SUSD1: variants seen among roughly 807,000 people sequenced by gnomAD.
SUSD1 encodes the protein sushi domain-containing protein 1.
In SUSD1, 65 loss-of-function variants were observed where a neutral mutation model predicts 86.9. The observed-to-expected ratio is 0.75, with a 90% CI of 0.61 to 0.92. The LOEUF (loss-of-function observed/expected upper bound fraction) is 0.92, where lower values mean the gene tolerates loss of function less well. Among genes scored for constraint, SUSD1 ranks in the 40% least tolerant of loss-of-function variants. The pLI, the probability that SUSD1 is intolerant of heterozygous loss-of-function variation, is 0.00. For missense variants in SUSD1, 850 were observed against 929.7 expected (o/e 0.91, Z 1.11); for synonymous variants, 346 against 350.0 (o/e 0.99, Z 0.13).
chr9:112,131,643 A>T (rs111481361), intron 5 of SUSD1, among the ~76,000 whole-genome samples: 1 of 152,230 alleles, frequency 6.6e-6, no homozygotes, highest in Non-Finnish European at 1.5e-5. Flanking sequence ...AATCCTATTT[A>T]ATACATAAAA....
chr9:112,155,371 G>A (rs976624651), intron 2 of SUSD1, among the ~76,000 whole-genome samples: 5 of 152,146 alleles, frequency 3.3e-5, no homozygotes, highest in South Asian at 2.1e-4. Flanking sequence ...TAGCAAGTGC[G>A]GGTGAGGAAC....
At chr9:112,138,727 T>G (rs1185417689) in intron 5 of SUSD1, among the ~76,000 whole-genome samples, 1 of 152,146 alleles carries the variant, frequency 6.6e-6, no homozygotes, top group Non-Finnish European at 1.5e-5. Context: ...AGATTACAGG[T>G]GTGAGCCACT....
rs567878555 is a variant in SUSD1 at position 112,153,675 on chromosome 9, G to A, written c.217+3825C>T. On this transcript the variant is annotated intron_variant, in intron 2 of 16. Transcript: ENST00000374270. ...GTCACCCAGGCTGGAGTGCAATGGC[G>A]CGATCTCGGCTCACTGCAACCTCTG... Among the ~76,000 whole-genome samples, 545 of 147,638 alleles carry A rather than the reference G, an allele frequency of 3.7e-3. 2 individuals carry two copies. Among genetic ancestry groups the A allele is most frequent in the Non-Finnish European group, 5.6e-3 (380 of 67,334 alleles).
chr9:112,116,054 C>G (rs1831310634), intron 6 of SUSD1, among the ~76,000 whole-genome samples: 1 of 152,132 alleles, frequency 6.6e-6, no homozygotes, highest in South Asian at 2.1e-4. Context: ...TAACTCACCA[C>G]CTGGTCCAGA....
At chr9:112,073,187 T>A (rs2762501) in intron 12 of SUSD1, among the ~76,000 whole-genome samples, 42,177 of 152,142 alleles carry the variant, frequency 0.28, 6,409 homozygotes, top group African/African-American at 0.41. Flanking sequence ...CCTGGGACAC[T>A]CCTGTGTTTT....
chr9:112,069,390 T>G (rs1214554147), intron 12 of SUSD1, among the ~76,000 whole-genome samples: 1 of 147,456 alleles, frequency 6.8e-6, no homozygotes. Flanking sequence ...TCTATGCTAT[T>G]TTCAAGAGCA....
At chr9:112,138,314 C>T (rs746589175) in intron 5 of SUSD1, among the ~76,000 whole-genome samples, 5 of 102,346 alleles carry the variant, frequency 4.9e-5, no homozygotes, top group Non-Finnish European at 1.0e-4. Context: ...CCATTGGAAA[C>T]TATCACCATT....
chr9:112,170,706 T>TAGAGAGAGAGAGAG (rs765076866), intron 1 of SUSD1, among the ~76,000 whole-genome samples: 13 of 88,304 alleles, frequency 1.5e-4, no homozygotes, highest in African/African-American at 6.2e-4. Context: ...TATATATATA[T>TAGAGAGAGAGAGAG]ATATAGAGAG....
intron 10 of SUSD1, among the ~76,000 whole-genome samples, chr9:112,080,689 A>G (rs539765290): frequency 7.6e-6 from 1 of 132,450 alleles, no homozygotes; most frequent in East Asian, 2.3e-4. Context: ...CTCTGTCTCA[A>G]GAAAAAAAAA....
intron 2 of SUSD1, among the ~76,000 whole-genome samples, chr9:112,155,620 C>CT (rs937455144): frequency 1.9e-4 from 29 of 151,740 alleles, no homozygotes; most frequent in Admixed American, 1.3e-3. Flanking sequence ...TTTTTAGTTT[C>CT]TTTTTTTTAT....
intron 10 of SUSD1, among the ~76,000 whole-genome samples, chr9:112,094,392 C>T (rs1314336184): frequency 6.6e-6 from 1 of 152,150 alleles, no homozygotes; most frequent in Non-Finnish European, 1.5e-5. Context: ...ACCCCCACAC[C>T]AAGGGCTTTT....
chr9:112,127,161 C>G (rs950355726), intron 5 of SUSD1, among the ~76,000 whole-genome samples: 1 of 152,170 alleles, frequency 6.6e-6, no homozygotes, highest in South Asian at 2.1e-4. Context: ...CACTTGAGAC[C>G]AGGAGTTTGA....
At chr9:112,161,203 C>A (rs1833551669) in intron 1 of SUSD1, among the ~76,000 whole-genome samples, 1 of 151,704 alleles carries the variant, frequency 6.6e-6, no homozygotes, top group African/African-American at 2.4e-5. Flanking sequence ...CATGGCGTAA[C>A]CCTGTCTCTA....
At position 112,112,191 on chromosome 9, in the gene SUSD1, A is replaced by G. The variant is rs371269051; in HGVS notation, c.985-351T>C. On this transcript the variant is annotated intron_variant, in intron 7 of 16. Transcript: ENST00000374270. ...AAATACAAGTGCTTGGAAACAAGCAATCGTGAGGATGCCAAATATAAATGC... is the reference window on the plus strand; with the variant it reads ...AAATACAAGTGCTTGGAAACAAGCAGTCGTGAGGATGCCAAATATAAATGC... The G allele has an allele frequency of 4.0e-5, 8 of 200,922 alleles. No individual in the cohort carries two copies. In the East Asian group the frequency reaches 7.6e-4, roughly 19 times the overall value. The allele number at this position is 200,922 out of a possible 1,614,324, so 12.4% of individuals were successfully genotyped here.
intron 13 of SUSD1, 151 bp from the exon 14 acceptor site, chr9:112,058,837 A>G (rs895324339): frequency 1.1e-6 from 1 of 929,140 alleles, no homozygotes; most frequent in African/African-American, 1.7e-5. Context: ...CTCTGTCACT[A>G]GGCTGGAGTA....
At chr9:112,054,573 T>G (rs1354578550) in intron 14 of SUSD1, among the ~76,000 whole-genome samples, 5 of 150,436 alleles carry the variant, frequency 3.3e-5, no homozygotes, top group Admixed American at 3.3e-4. Context: ...GGTGACAAAC[T>G]GAAACACTGT....
chr9:112,122,973 A>T (rs1831614052), intron 6 of SUSD1, among the ~76,000 whole-genome samples: 2 of 152,276 alleles, frequency 1.3e-5, no homozygotes, highest in Non-Finnish European at 2.9e-5. Flanking sequence ...GCAAATGGGG[A>T]GTTGTTGTTT....
intron 15 of SUSD1, among the ~76,000 whole-genome samples, chr9:112,042,325 T>A (rs1431580674): frequency 6.6e-6 from 1 of 152,198 alleles, no homozygotes; most frequent in Admixed American, 6.5e-5. Flanking sequence ...TTCTTTTGCA[T>A]GGAGGGACAA....
intron 13 of SUSD1, 63 bp downstream of exon 13, chr9:112,062,874 C>T: frequency 5.2e-6 from 6 of 1,164,962 alleles, no homozygotes; most frequent in Non-Finnish European, 7.6e-6. Flanking sequence ...TCACCAAAAT[C>T]AAAGTTTCCA....
Sources: gnomAD v4.1 joint callset for allele counts (sites outside exome capture counted in the v4.1 genomes callset) on GRCh38, gnomAD v4.1.1 for gene constraint, MANE v1.5 for transcripts, NCBI Gene and HGNC (gene_info 2026-07-23, HGNC 2026-07-21) for gene names.